SNTG2: variants seen among roughly 807,000 people sequenced by gnomAD.
The protein encoded by SNTG2 is syntrophin gamma 2.
SNTG2 carries 74 observed loss-of-function variants against 70.9 expected under a neutral mutation model. The ratio of observed to expected loss-of-function variants is 1.04; its 90% CI spans 0.86 to 1.27. SNTG2 has a LOEUF of 1.27. SNTG2 is among the 50% of genes most tolerant of loss of function. SNTG2 has a pLI of 0.00. For missense variants in SNTG2, 717 were observed against 690.7 expected (o/e 1.04, Z -0.43); for synonymous variants, 278 against 273.8 (o/e 1.02, Z -0.15).
At chr2:1,060,071 A>G (rs1662712638) in intron 1 of SNTG2, among the ~76,000 whole-genome samples, 1 of 152,228 alleles carries the variant, frequency 6.6e-6, no homozygotes, top group Admixed American at 6.5e-5. Flanking sequence ...CATCATATCA[A>G]AAAAATAATA....
chr2:1,270,833 T>C (rs367670362), intron 14 of SNTG2, among the ~76,000 whole-genome samples: 1 of 152,230 alleles, frequency 6.6e-6, no homozygotes, highest in Admixed American at 6.5e-5. Context: ...ATTTTAAATC[T>C]CCAGAATAAT....
chr2:1,159,092 G>A (rs1215173238), intron 6 of SNTG2, among the ~76,000 whole-genome samples: 1 of 69,264 alleles, frequency 1.4e-5, no homozygotes, highest in East Asian at 2.4e-4. Context: ...CCGTGTGTAT[G>A]TGCATGCGTG....
chr2:1,046,137 C>A (rs10207601), intron 1 of SNTG2, among the ~76,000 whole-genome samples: 22,290 of 151,946 alleles, frequency 0.15, 2,187 homozygotes, highest in African/African-American at 0.27. Flanking sequence ...CTTCTTAGAA[C>A]GTTTTGATCA....
chr2:955,934 C>T (rs1225804474), intron 1 of SNTG2, among the ~76,000 whole-genome samples: 5 of 152,176 alleles, frequency 3.3e-5, no homozygotes, highest in African/African-American at 1.2e-4. Context: ...GCCACTGTCT[C>T]CGGCCCTGCC....
chr2:1,276,106 C>T (rs763953954), intron 14 of SNTG2, among the ~76,000 whole-genome samples: 2 of 152,232 alleles, frequency 1.3e-5, no homozygotes, highest in African/African-American at 4.8e-5. Flanking sequence ...AGGAAAGAAT[C>T]TGTCTCCAAA....
At chr2:1,152,573 TGC>T (rs1669578757) in intron 6 of SNTG2, among the ~76,000 whole-genome samples, 1 of 41,660 alleles carries the variant, frequency 2.4e-5, no homozygotes, top group South Asian at 6.1e-4. Context: ...TGTGCACATG[TGC>T]ATGTGTGTGT....
At chr2:1,207,418 GTT>G (rs11287841) in intron 8 of SNTG2, among the ~76,000 whole-genome samples, 6 of 152,018 alleles carry the variant, frequency 3.9e-5, no homozygotes, top group Non-Finnish European at 7.4e-5. Context: ...GGCTATGTGA[GTT>G]TTTTTTTCTG....
chr2:1,028,335 A>G (rs1660610503), intron 1 of SNTG2, among the ~76,000 whole-genome samples: 1 of 152,258 alleles, frequency 6.6e-6, no homozygotes, highest in Admixed American at 6.5e-5. Context: ...CATCTGACCC[A>G]CAGACACTAA....
At chr2:1,172,421 C>G (rs1478179486) in intron 7 of SNTG2, among the ~76,000 whole-genome samples, 1 of 152,166 alleles carries the variant, frequency 6.6e-6, no homozygotes, top group African/African-American at 2.4e-5. Flanking sequence ...TATAGTCCAG[C>G]CTGAAGATAT....
chr2:981,994 A>C (rs1423974597), intron 1 of SNTG2, among the ~76,000 whole-genome samples: 1 of 152,168 alleles, frequency 6.6e-6, no homozygotes, highest in African/African-American at 2.4e-5. Flanking sequence ...GCACTTGTGC[A>C]CACACGTGTC....
chr2:1,001,728 A>C (rs1169996154), intron 1 of SNTG2, among the ~76,000 whole-genome samples: 1 of 152,070 alleles, frequency 6.6e-6, no homozygotes, highest in Non-Finnish European at 1.5e-5. Flanking sequence ...TTCTCACCAA[A>C]ATATTAATAT....
chr2:1,329,798 A>G (rs984044129), intron 16 of SNTG2, among the ~76,000 whole-genome samples: 2 of 152,122 alleles, frequency 1.3e-5, no homozygotes, highest in Non-Finnish European at 2.9e-5. Context: ...TGTTGTACCC[A>G]TCGTGTGGGG....
intron 16 of SNTG2, among the ~76,000 whole-genome samples, chr2:1,323,728 TC>T (rs1175606469): frequency 8.1e-6 from 1 of 124,032 alleles, no homozygotes; most frequent in Admixed American, 8.0e-5. Flanking sequence ...GGCTGAGACC[TC>T]CCCCCACCCA....
At chr2:1,352,249 C>T (rs1045969658) in intron 16 of SNTG2, among the ~76,000 whole-genome samples, 1 of 152,228 alleles carries the variant, frequency 6.6e-6, no homozygotes, top group African/African-American at 2.4e-5. Flanking sequence ...CCTCCTGGCA[C>T]CTTTAGCTTC....
At chr2:1,089,863 TTATTAA>T (rs1375170000) in intron 2 of SNTG2, among the ~76,000 whole-genome samples, 1 of 152,238 alleles carries the variant, frequency 6.6e-6, no homozygotes, top group Non-Finnish European at 1.5e-5. Flanking sequence ...TGTGCAATTA[TTATTAA>T]TATTTATTAT....
rs979859294 is a variant in SNTG2, at chr2:1,251,158, C to T, written c.1005+3715C>T. Among the ~76,000 whole-genome samples, 6 of 152,164 alleles carry T rather than the reference C, an allele frequency of 3.9e-5. No individual in the cohort carries two copies. The South Asian group carries it at 6.2e-4, about 16-fold the overall frequency. ...TAAACCTGTGAAGTTGAATTAGCCC[C>T]AGATAGATTTACCATTAGGCTGCAA... On this transcript the variant is annotated intron_variant, in intron 12 of 16. Coordinates refer to ENST00000308624, the MANE Select transcript of SNTG2 (RefSeq NM_018968.4).
At chr2:1,259,536 A>G in intron 13 of SNTG2, 95 bp downstream of exon 13, 1 of 1,007,838 alleles carries the variant, frequency 9.9e-7, no homozygotes, top group Admixed American at 2.1e-5. Context: ...TGGTCCATTG[A>G]AATAGTAAAA....
intron 16 of SNTG2, among the ~76,000 whole-genome samples, chr2:1,332,714 A>G (rs920394258): frequency 2.6e-5 from 4 of 152,234 alleles, no homozygotes; most frequent in African/African-American, 9.6e-5. Flanking sequence ...CCATATTATC[A>G]TCTCAATAGA....
chr2:1,144,856 A>G (rs1668996926), intron 6 of SNTG2, among the ~76,000 whole-genome samples: 1 of 152,212 alleles, frequency 6.6e-6, no homozygotes, highest in Admixed American at 6.5e-5. Context: ...CAGCCAAACC[A>G]TATCAGATAC....
Sources: allele counts gnomAD v4.1 joint callset (sites outside exome capture counted in the v4.1 genomes callset), GRCh38; gene constraint gnomAD v4.1.1; transcripts MANE v1.5; gene names NCBI Gene and HGNC (gene_info 2026-07-23, HGNC 2026-07-21).